ADAMTSL1: variants seen among roughly 807,000 people sequenced by gnomAD.
ADAMTSL1 encodes the protein ADAMTS like 1, also known as ADAMTS-like protein 1.
In ADAMTSL1, 126 loss-of-function variants were observed where a neutral mutation model predicts 201.8. The observed-to-expected ratio is 0.62, with a 90% CI of 0.54 to 0.72. The LOEUF is 0.72. ADAMTSL1 is among the 30% of genes least tolerant of loss of function. The pLI is 0.00. For synonymous variants in ADAMTSL1, 1,121 were observed against 903.4 expected, an observed-to-expected ratio of 1.24 and a Z score of -4.32; for missense variants, 2,679 against 2,277.8, an observed-to-expected ratio of 1.18 and a Z score of -3.59.
At chr9:17,982,656 G>A (rs1818755980) in intron 1 of ADAMTSL1, among the ~76,000 whole-genome samples, 1 of 152,058 alleles carries the variant, frequency 6.6e-6, no homozygotes, top group Non-Finnish European at 1.5e-5. Context: ...AACCGGGCAG[G>A]ATATAGTCCA....
In ADAMTSL1 at chr9:18,776,885, T is replaced by C. The variant is rs1203511958; in HGVS notation, c.2656T>C (p.Phe886Leu). The change falls in exon 19 of 29, where the codon TTC becomes CTC. Residue 886 changes from phenylalanine (F) to leucine (L), a missense_variant. Transcript: ENST00000380548. The stretch of plus-strand genomic sequence containing the variant: ...GAAGCTGCACTTCGTGGTGGGGGGC[T>C]TCGCCTACCTGCTCCCCAAGACGGC... The part of the protein sequence containing the change: ...QRKLHFVVGG[F>L]AYLLPKTAVV... 3.7e-6 allele frequency: 6 copies of C among 1,611,160 alleles called. No homozygotes were observed. The Admixed American group carries it at 6.7e-5, about 18-fold the overall frequency.
intron 2 of ADAMTSL1, among the ~76,000 whole-genome samples, chr9:18,272,059 G>C (rs571590783): frequency 1.3e-5 from 2 of 151,638 alleles, no homozygotes; most frequent in South Asian, 4.2e-4. Flanking sequence ...TGAGTTCTTT[G>C]TAGATTCTGG....
intron 2 of ADAMTSL1, among the ~76,000 whole-genome samples, chr9:18,202,192 CAG>C (rs1829476344): frequency 6.6e-6 from 1 of 152,068 alleles, no homozygotes; most frequent in Non-Finnish European, 1.5e-5. Flanking sequence ...AGTGTAAAGT[CAG>C]AAAGAACTGG....
chr9:18,567,765 G>C (rs1289516578), intron 3 of ADAMTSL1, among the ~76,000 whole-genome samples: 3 of 152,072 alleles, frequency 2.0e-5, no homozygotes, highest in African/African-American at 7.2e-5. Context: ...ATGTATCTAT[G>C]TACTTATGTA....
intron 2 of ADAMTSL1, among the ~76,000 whole-genome samples, chr9:18,287,838 A>G (rs1210826647): frequency 6.6e-6 from 1 of 152,158 alleles, no homozygotes; most frequent in African/African-American, 2.4e-5. Context: ...ATCATAGTAA[A>G]TTATATTACT....
intron 2 of ADAMTSL1, among the ~76,000 whole-genome samples, chr9:18,291,715 TTTCTCTC>T (rs1833271356): frequency 1.6e-5 from 2 of 123,078 alleles, no homozygotes; most frequent in Non-Finnish European, 3.4e-5. Context: ...TCTCTCTCTC[TTTCTCTC>T]TCTCTCTCTC....
rs1830357182 is a variant in ADAMTSL1 at position 18,907,070 on chromosome 9, G to T, written c.5182+158G>T. 6 of 740,134 alleles carry T rather than the reference G, an allele frequency of 8.1e-6. No individual in the cohort carries two copies. In the South Asian group the frequency reaches 1.1e-4, roughly 13 times the overall value. The allele number at this position is 740,134 out of a possible 1,614,324, so 45.8% of individuals were successfully genotyped here. On this transcript the variant is annotated intron_variant, in intron 28 of 28. Transcript: ENST00000380548. ...TTGAGCATTTCAGTGGGGTGCATGG[G>T]TGTATGCAGAGAGGTGTATATAAGC...
At chr9:18,332,730 C>A (rs972873976) in intron 2 of ADAMTSL1, among the ~76,000 whole-genome samples, 10 of 152,118 alleles carry the variant, frequency 6.6e-5, no homozygotes, top group Admixed American at 2.0e-4. Flanking sequence ...TAAATTAGAG[C>A]CTATATAGTT....
At chr9:18,898,122 G>T (rs1829771005) in intron 26 of ADAMTSL1, among the ~76,000 whole-genome samples, 1 of 152,154 alleles carries the variant, frequency 6.6e-6, no homozygotes, top group Admixed American at 6.5e-5. Context: ...CCAGGAAGCA[G>T]AGGTTGCAGT....
intron 4 of ADAMTSL1, among the ~76,000 whole-genome samples, chr9:18,614,798 C>G (rs1021753635): frequency 1.3e-5 from 2 of 152,144 alleles, no homozygotes; most frequent in South Asian, 4.1e-4. Context: ...TAATCAGCAA[C>G]TTCATGTGTT....
intron 23 of ADAMTSL1, among the ~76,000 whole-genome samples, chr9:18,870,542 C>T (rs978467599): frequency 3.3e-5 from 5 of 152,104 alleles, no homozygotes; most frequent in Non-Finnish European, 7.4e-5. Flanking sequence ...AAATTCATCG[C>T]CTTTGTTGCT....
intron 2 of ADAMTSL1, among the ~76,000 whole-genome samples, chr9:18,393,218 C>T (rs887611972): frequency 1.3e-5 from 2 of 152,198 alleles, no homozygotes; most frequent in Non-Finnish European, 2.9e-5. Flanking sequence ...ACAGATTATA[C>T]ACATACACAG....
chr9:18,776,364 C>A (rs1820992012), intron 18 of ADAMTSL1, among the ~76,000 whole-genome samples: 1 of 152,216 alleles, frequency 6.6e-6, no homozygotes, highest in African/African-American at 2.4e-5. Context: ...TCCTCTCTGT[C>A]CTCTGCCTCT....
chr9:18,381,637 G>A (rs1375787080), intron 2 of ADAMTSL1, among the ~76,000 whole-genome samples: 7 of 152,004 alleles, frequency 4.6e-5, no homozygotes, highest in African/African-American at 1.2e-4. Flanking sequence ...AGAAGGAGAC[G>A]GTTCCTTTAA....
chr9:18,374,035 G>A (rs1837174128), intron 2 of ADAMTSL1, among the ~76,000 whole-genome samples: 1 of 152,210 alleles, frequency 6.6e-6, no homozygotes, highest in African/African-American at 2.4e-5. Flanking sequence ...AGAATCACCT[G>A]AGGAGTTTCA....
In ADAMTSL1 at chr9:18,109,890, A is replaced by G. The variant is rs147990623; in HGVS notation, c.88-53972A>G. On this transcript the variant is annotated intron_variant, in intron 1 of 29. Coordinates refer to the ADAMTSL1 transcript ENST00000680146. Reference sequence around the variant, plus strand: ...GTATAAAACCAAAGAGAGCAGAGTGACAGACTGATACCATATGTTCTTTCA... The same window carrying G: ...GTATAAAACCAAAGAGAGCAGAGTGGCAGACTGATACCATATGTTCTTTCA... Among the ~76,000 whole-genome samples, 3 of 152,300 alleles carry G rather than the reference A, an allele frequency of 2.0e-5. No individual in the cohort carries two copies. In the East Asian group the frequency reaches 5.8e-4, roughly 29 times the overall value.
chr9:18,775,664 G>T, intron 17 of ADAMTSL1, 79 bp from the exon 18 acceptor site: 1 of 1,522,048 alleles, frequency 6.6e-7, no homozygotes, highest in South Asian at 1.2e-5. Flanking sequence ...CTCATATTTT[G>T]ATGAGTTTGA....
At chr9:18,747,292 C>T (rs1269531032) in intron 15 of ADAMTSL1, among the ~76,000 whole-genome samples, 1 of 152,256 alleles carries the variant, frequency 6.6e-6, no homozygotes, top group African/African-American at 2.4e-5. Context: ...ACTTACAGTA[C>T]CTTTATCACT....
intron 10 of ADAMTSL1, among the ~76,000 whole-genome samples, chr9:18,677,781 T>C (rs1458526385): frequency 6.6e-6 from 1 of 152,088 alleles, no homozygotes; most frequent in African/African-American, 2.4e-5. Flanking sequence ...GGCATGTCTA[T>C]GTATCACAAT....
Sources: allele counts gnomAD v4.1 joint callset (sites outside exome capture counted in the v4.1 genomes callset), GRCh38; gene constraint gnomAD v4.1.1; transcripts MANE v1.5; gene names NCBI Gene and HGNC (gene_info 2026-07-23, HGNC 2026-07-21).